The following UBAC2 variants were observed in gnomAD, a reference collection of about 807,000 sequenced individuals.
UBAC2 encodes ubiquitin-associated domain-containing protein 2.
UBAC2 carries 26 observed loss-of-function variants against 44.0 expected under a neutral mutation model. That is an observed-to-expected ratio of 0.59 (90% confidence interval 0.43 to 0.82). UBAC2 has a LOEUF of 0.82. Ranked by LOEUF, UBAC2 falls within the 40% of genes least tolerant of loss-of-function variation. The pLI, the probability that UBAC2 is intolerant of heterozygous loss-of-function variation, is 0.00. For missense variants in UBAC2, 329 were observed against 419.4 expected (o/e 0.78, Z 1.88); for synonymous variants, 155 against 154.3 (o/e 1.00, Z -0.04).
chr13:99,322,906 G>T (rs2044588217), intron 6 of UBAC2, among the ~76,000 whole-genome samples: 1 of 152,144 alleles, frequency 6.6e-6, no homozygotes, highest in South Asian at 2.1e-4. Flanking sequence ...GCTGTGATTT[G>T]CCTTTCTCTC....
At chr13:99,236,109 A>C (rs2043229631) in intron 1 of UBAC2, among the ~76,000 whole-genome samples, 1 of 152,236 alleles carries the variant, frequency 6.6e-6, no homozygotes, top group Non-Finnish European at 1.5e-5. Context: ...TACTAGCAGA[A>C]AATGTTGGAG....
At chr13:99,359,157 G>A (rs1458925705) in intron 7 of UBAC2, among the ~76,000 whole-genome samples, 2 of 152,338 alleles carry the variant, frequency 1.3e-5, no homozygotes, top group East Asian at 3.9e-4. Context: ...AAAGCCTGGG[G>A]AAGAGAATGT....
chr13:99,336,053 A>G (rs1200393202), intron 6 of UBAC2, among the ~76,000 whole-genome samples: 1 of 151,454 alleles, frequency 6.6e-6, no homozygotes, highest in African/African-American at 2.4e-5. Context: ...CATTTTTGCC[A>G]GTTGCTGTAT....
intron 4 of UBAC2, among the ~76,000 whole-genome samples, chr13:99,273,983 A>G (rs1004163530): frequency 6.6e-6 from 1 of 151,678 alleles, no homozygotes; most frequent in Non-Finnish European, 1.5e-5. Context: ...TTATTGAGGT[A>G]TAAATGTATA....
chr13:99,369,547 A>G (rs1303702427), intron 8 of UBAC2, among the ~76,000 whole-genome samples: 2 of 152,250 alleles, frequency 1.3e-5, no homozygotes, highest in Non-Finnish European at 2.9e-5. Context: ...AAGGTAGGCT[A>G]GATTAAGCTG....
At chr13:99,247,572 A>G (rs2043402983) in intron 4 of UBAC2, among the ~76,000 whole-genome samples, 1 of 151,922 alleles carries the variant, frequency 6.6e-6, no homozygotes, top group Non-Finnish European at 1.5e-5. Flanking sequence ...AACGTCACAC[A>G]CTGGGGCTGT....
intron 6 of UBAC2, among the ~76,000 whole-genome samples, chr13:99,335,827 T>G (rs1206080550): frequency 6.6e-6 from 1 of 152,158 alleles, no homozygotes; most frequent in Non-Finnish European, 1.5e-5. Flanking sequence ...AGAGGCGCCA[T>G]AGCTTCACCT....
At chr13:99,283,122 A>G (rs1463763849) in intron 4 of UBAC2, among the ~76,000 whole-genome samples, 1 of 152,232 alleles carries the variant, frequency 6.6e-6, no homozygotes, top group Non-Finnish European at 1.5e-5. Flanking sequence ...CACCAGAGCT[A>G]GAATCAACAC....
intron 4 of UBAC2, among the ~76,000 whole-genome samples, chr13:99,311,001 T>TA (rs1401568956): frequency 2.0e-5 from 3 of 152,192 alleles, no homozygotes; most frequent in Non-Finnish European, 4.4e-5. Flanking sequence ...TTAATCCCAT[T>TA]AAAAATGATA....
intron 6 of UBAC2, among the ~76,000 whole-genome samples, chr13:99,323,972 A>G (rs570548009): frequency 2.0e-5 from 3 of 152,284 alleles, no homozygotes; most frequent in Admixed American, 6.5e-5. Context: ...TATTATTGCA[A>G]CTTATGTTCT....
chr13:99,249,379 T>C (rs1469896253), intron 4 of UBAC2, among the ~76,000 whole-genome samples: 1 of 152,226 alleles, frequency 6.6e-6, no homozygotes, highest in Non-Finnish European at 1.5e-5. Context: ...TTTCATTCTT[T>C]TTTATGGCTG....
At chr13:99,319,916 T>C (rs535229150) in intron 6 of UBAC2, among the ~76,000 whole-genome samples, 1 of 152,356 alleles carries the variant, frequency 6.6e-6, no homozygotes, top group African/African-American at 2.4e-5. Context: ...ATGTACTGTT[T>C]GTTCCATGGC....
chr13:99,344,991 TC>T (rs1420577301), intron 7 of UBAC2, among the ~76,000 whole-genome samples: 1 of 152,020 alleles, frequency 6.6e-6, no homozygotes. Context: ...GCAGTGAAAA[TC>T]TGAGGAGAGA....
At chr13:99,359,474 A>G (rs1285436929) in intron 7 of UBAC2, among the ~76,000 whole-genome samples, 2 of 152,166 alleles carry the variant, frequency 1.3e-5, no homozygotes, top group Non-Finnish European at 2.9e-5. Context: ...GTGGTAGGTC[A>G]TCCCCTTTGT....
Position 99,295,117 on chromosome 13 carries a change from T to G in UBAC2, c.390-18980T>G, listed in dbSNP as rs1199400474. On this transcript the variant is annotated intron_variant, in intron 4 of 8. Coordinates refer to ENST00000403766, the MANE Select transcript of UBAC2 (RefSeq NM_001144072.2). This position sits in a 1 kb window ranked among gnomAD's most constrained non-coding sequence, Gnocchi z 4.1. ...TCATCTGCGTTTCTGTCATTTCACG[T>G]GAATTTTCTTCAGGGGCTGACTTCA... is the stretch of plus-strand genomic sequence containing the variant. 6.2e-7 allele frequency: 1 copy of G among 1,614,114 alleles called. No individual in the cohort carries two copies. The highest frequency in any genetic ancestry group is 8.5e-7 in the Non-Finnish European group (1 of 1,179,982).
At chr13:99,271,620 G>A (rs1296584575) in intron 4 of UBAC2, among the ~76,000 whole-genome samples, 1 of 152,142 alleles carries the variant, frequency 6.6e-6, no homozygotes, top group African/African-American at 2.4e-5. Flanking sequence ...TTTTAAAAAA[G>A]CACTTAATCA....
At chr13:99,261,234 G>A (rs1265473357) in intron 4 of UBAC2, among the ~76,000 whole-genome samples, 1 of 152,214 alleles carries the variant, frequency 6.6e-6, no homozygotes, top group Non-Finnish European at 1.5e-5. Flanking sequence ...TCCCCAGGGA[G>A]AAGAGGGTGT....
At chr13:99,238,586 G>C in intron 2 of UBAC2, 32 bp downstream of exon 2, 1 of 1,506,610 alleles carries the variant, frequency 6.6e-7, no homozygotes, top group Non-Finnish European at 8.9e-7. Flanking sequence ...CCTGAGAGGA[G>C]AGCGGACAGT....
intron 4 of UBAC2, among the ~76,000 whole-genome samples, chr13:99,263,079 C>G (rs1381951529): frequency 2.6e-5 from 4 of 152,198 alleles, no homozygotes; most frequent in Non-Finnish European, 5.9e-5. Flanking sequence ...TCATGACTCT[C>G]AGATTGTATG....
Sources: gnomAD v4.1 joint callset for allele counts (sites outside exome capture counted in the v4.1 genomes callset) on GRCh38, gnomAD v4.1.1 for gene constraint, Gnocchi (gnomAD v3.1) non-coding constraint, MANE v1.5 for transcripts, NCBI Gene and HGNC (gene_info 2026-07-23, HGNC 2026-07-21) for gene names.